SYNRG: variants seen among roughly 807,000 people sequenced by gnomAD.
SYNRG encodes the protein AP1 gamma subunit binding protein 1.
In SYNRG, 37 loss-of-function variants were observed where a neutral mutation model predicts 130.9. That is an observed-to-expected ratio of 0.28 (90% CI 0.22 to 0.37). The LOEUF (loss-of-function observed/expected upper bound fraction) is 0.37. Ranked by LOEUF, SYNRG falls within the 10% of genes least tolerant of loss-of-function variation. The pLI, the probability that SYNRG is intolerant of heterozygous loss-of-function variation, is 1.00. For synonymous variants in SYNRG, 539 were observed against 568.1 expected, an observed-to-expected ratio of 0.95 and a Z score of 0.73; for missense variants, 1,338 against 1,588.9, an observed-to-expected ratio of 0.84 and a Z score of 2.68.
At position 37,540,432 on chromosome 17, in the gene SYNRG, G is replaced by C; in HGVS notation, c.3314C>G (p.Pro1105Arg). The C allele has an allele frequency of 6.2e-7, 1 of 1,613,848 alleles. No homozygotes were observed. The change falls in exon 16 of 22, where the codon CCC becomes CGC. Residue 1105 changes from proline (P) to arginine (R), a missense_variant. Coordinates refer to ENST00000612223, the MANE Select transcript of SYNRG (RefSeq NM_007247.6). The stretch of plus-strand genomic sequence containing the variant: ...CTTGTCTCGGATGACGGGCAGGGCG[G>C]GCTTCTCATTCAGAGTATTGGAACG... ...RDRSNTLNEK[P>R]ALPVIRDKYK...
intron 19 of SYNRG, among the ~76,000 whole-genome samples, chr17:37,534,828 T>A (rs2144580633): frequency 6.6e-6 from 1 of 152,220 alleles, no homozygotes; most frequent in East Asian, 1.9e-4. Flanking sequence ...CACCTGGCTA[T>A]CAGTTCAGAA....
At chr17:37,558,782 C>G (rs1027913034) in intron 13 of SYNRG, among the ~76,000 whole-genome samples, 2 of 152,164 alleles carry the variant, frequency 1.3e-5, no homozygotes, top group Non-Finnish European at 2.9e-5. Flanking sequence ...TATCCTTGAA[C>G]ATACTAAGTG....
Position 37,542,127 on chromosome 17 carries a change from G to T in SYNRG, c.3047C>A (p.Thr1016Asn). Reference sequence around the variant, plus strand: ...AAAGTCATCCGAACATTCGTTCGGGGTTTCTTGAGAGGCACCACTGGACGC... The same window carrying T: ...AAAGTCATCCGAACATTCGTTCGGGTTTTCTTGAGAGGCACCACTGGACGC... ...SPASSGASQE[T>N]PNECSDDFGE... Residue 1016 changes from threonine to asparagine, a missense_variant, in exon 15 of 22, where the codon ACC (threonine) becomes AAC (asparagine). Around this residue, in one of 3 missense-constraint regions of SYNRG, gnomAD observed 1,146 missense variants for 1,342.3 expected, o/e 0.85. Coordinates refer to ENST00000612223, the MANE Select transcript of SYNRG (RefSeq NM_007247.6). 6.2e-7 allele frequency: 1 copy of T among 1,614,198 alleles called. No homozygotes were observed. The highest frequency in any genetic ancestry group is 8.5e-7 in the Non-Finnish European group (1 of 1,180,048).
Position 37,553,460 on chromosome 17 carries a change from C to T in SYNRG, c.2263G>A (p.Gly755Arg). 6.2e-7 allele frequency: 1 copy of T among 1,614,198 alleles called. No individual in the cohort carries two copies. Among genetic ancestry groups the T allele is most frequent in the African/African-American group, 1.3e-5 (1 of 75,058 alleles). ...AGGTCTTCAACACCTAGTCCAGACCCTTCCAGAGAAAGTTGTCTGAAGACA... is the reference window on the plus strand; with the variant it reads ...AGGTCTTCAACACCTAGTCCAGACCTTTCCAGAGAAAGTTGTCTGAAGACA... The part of the protein sequence containing the change: ...YDVFRQLSLE[G>R]SGLGVEDLKD... Residue 755 changes from glycine to arginine, a missense_variant, in exon 14 of 22, where the codon GGG (glycine) becomes AGG (arginine). Gly to Arg is a moderately radical substitution (Grantham distance 125, BLOSUM62 -2). Around this residue, in one of 3 missense-constraint regions of SYNRG, gnomAD observed 1,146 missense variants for 1,342.3 expected, o/e 0.85. Coordinates refer to ENST00000612223, the MANE Select transcript of SYNRG (RefSeq NM_007247.6).
Position 37,576,423 on chromosome 17 carries a change from A to G in SYNRG, c.824-5T>C, listed in dbSNP as rs2060840155. ...GTGAGGGAAATACTCCCACACCTAGAAGGTAAGAAACATTAATGTATATAG... is the reference window on the plus strand; with the variant it reads ...GTGAGGGAAATACTCCCACACCTAGGAGGTAAGAAACATTAATGTATATAG... On this transcript the variant is annotated splice_region_variant and splice_polypyrimidine_tract_variant and intron_variant, in intron 7 of 21. Coordinates refer to ENST00000612223, the MANE Select transcript of SYNRG (RefSeq NM_007247.6). The G allele has an allele frequency of 1.2e-6, 2 of 1,613,198 alleles. No homozygotes were observed. Among genetic ancestry groups the G allele is most frequent in the African/African-American group, 1.3e-5 (1 of 74,894 alleles).
Position 37,518,754 on chromosome 17 carries a change from G to GT in SYNRG, c.*185dup, listed in dbSNP as rs1316099695. On this transcript the variant is annotated 3_prime_UTR_variant, in exon 22 of 22. Coordinates refer to ENST00000612223, the MANE Select transcript of SYNRG (RefSeq NM_007247.6). ...GCTTCTGGTGCCACGTGCAGTTTGG[G>GT]TGGGACAATTTTACCTGAAGTCCTG... 1.7e-5 allele frequency: 11 copies of GT among 655,246 alleles called. No homozygotes were observed. In the Middle Eastern group the frequency reaches 1.4e-3, roughly 81 times the overall value. The allele number at this position is 655,246 out of a possible 1,614,324, so 40.6% of individuals were successfully genotyped here.
At position 37,517,958 on chromosome 17, in the gene SYNRG, C is replaced by G. The variant is rs1173218241; in HGVS notation, c.*982G>C. 2.0e-5 allele frequency: 3 copies of G among 152,196 alleles called. No individual in the cohort carries two copies. 9.4% of individuals were successfully genotyped at this position (152,196 alleles called of 1,614,324 possible). ...CAATTTTCTTCTACTTCTTCTAAGT[C>G]ATGTATCTATCCCATAAATATACAT... On this transcript the variant is annotated 3_prime_UTR_variant, in exon 22 of 22. Coordinates refer to ENST00000612223, the MANE Select transcript of SYNRG (RefSeq NM_007247.6).
chr17:37,600,621 C>A, intron 1 of SYNRG: 1 of 673,712 alleles, frequency 1.5e-6, no homozygotes, highest in Non-Finnish European at 2.7e-6. Context: ...AGACAGAAGA[C>A]CCTGAAATTA....
chr17:37,606,188 G>A (rs183045164), intron 1 of SYNRG, among the ~76,000 whole-genome samples: 87 of 152,264 alleles, frequency 5.7e-4, no homozygotes, highest in Admixed American at 1.8e-3. Flanking sequence ...CAGTCATCTG[G>A]CACTGCAGGT....
chr17:37,579,360 C>T, intron 6 of SYNRG: 1 of 1,304,260 alleles, frequency 7.7e-7, no homozygotes, highest in Non-Finnish European at 1.0e-6. Flanking sequence ...TGCATAAAGT[C>T]ACTGAATTCT....
intron 1 of SYNRG, among the ~76,000 whole-genome samples, chr17:37,608,392 T>C (rs1293701640): frequency 6.6e-6 from 1 of 152,214 alleles, no homozygotes; most frequent in Non-Finnish European, 1.5e-5. Flanking sequence ...CTGTTGTGTG[T>C]TGGTTAGTAA....
chr17:37,598,588 G>A (rs544424143), intron 2 of SYNRG, among the ~76,000 whole-genome samples: 40 of 152,216 alleles, frequency 2.6e-4, no homozygotes, highest in Non-Finnish European at 5.1e-4. Flanking sequence ...CTCTGTCTCC[G>A]GTTCAAGTAC....
At chr17:37,565,513 G>A (rs1248471525) in intron 11 of SYNRG, among the ~76,000 whole-genome samples, 2 of 150,432 alleles carry the variant, frequency 1.3e-5, no homozygotes, top group East Asian at 2.0e-4. Context: ...CCATCGTCTG[G>A]GATGTGAGGA....
intron 14 of SYNRG, among the ~76,000 whole-genome samples, chr17:37,552,455 C>G (rs938052375): frequency 6.6e-6 from 1 of 152,168 alleles, no homozygotes; most frequent in African/African-American, 2.4e-5. Flanking sequence ...CCTATCCTAG[C>G]ATCTACAGAT....
At chr17:37,603,388 T>A (rs2063468002) in intron 1 of SYNRG, among the ~76,000 whole-genome samples, 1 of 152,080 alleles carries the variant, frequency 6.6e-6, no homozygotes, top group Non-Finnish European at 1.5e-5. Context: ...ACATAAAAAT[T>A]ATAATGGTGA....
rs375359328 is a variant in SYNRG at position 37,603,108 on chromosome 17, T to C, written c.78-2705A>G. On this transcript the variant is annotated intron_variant, in intron 1 of 21. Transcript: ENST00000612223. ...GAAGTGGGACTTCTTTCTCTGAGCCTGGAAAGAAAAAGGGACAAATCAAGG... is the reference window on the plus strand; with the variant it reads ...GAAGTGGGACTTCTTTCTCTGAGCCCGGAAAGAAAAAGGGACAAATCAAGG... Among the ~76,000 whole-genome samples the C allele has an allele frequency of 1.4e-4, 21 of 152,160 alleles. No individual in the cohort carries two copies. The South Asian group carries it at 4.1e-3, about 30-fold the overall frequency.
At chr17:37,539,383 G>C in intron 16 of SYNRG, 138 bp from the exon 17 acceptor site, 4 of 893,402 alleles carry the variant, frequency 4.5e-6, no homozygotes, top group Non-Finnish European at 6.6e-6. Context: ...TGTTTTTTTT[G>C]TTTTTGTTTT....
chr17:37,576,399 T>G lies in SYNRG; in HGVS notation c.843A>C (p.Ser281=), dbSNP rs766991210. 8 of 1,613,794 alleles carry G rather than the reference T, an allele frequency of 5.0e-6. No homozygotes were observed. The highest frequency in any genetic ancestry group is 1.3e-5 in the African/African-American group (1 of 74,920). ...IEESGVGVFP[S]QDPAQPRMPP... is the part of the protein sequence containing the mutation. ...GCATTCTGGGCTGAGCAGGATCCTG[T>G]GAGGGAAATACTCCCACACCTAGAA... Residue 281 remains serine, a synonymous_variant, in exon 8 of 22, where the codon TCA becomes TCC. Coordinates refer to ENST00000612223, the MANE Select transcript of SYNRG (RefSeq NM_007247.6).
intron 1 of SYNRG, chr17:37,600,731 A>T: frequency 2.4e-6 from 1 of 418,568 alleles, no homozygotes; most frequent in South Asian, 2.6e-5. Flanking sequence ...ATTGAGTGTC[A>T]ACTACATGAA....
Sources: allele counts gnomAD v4.1 joint callset (sites outside exome capture counted in the v4.1 genomes callset), GRCh38; gene constraint gnomAD v4.1.1; regional missense constraint gnomAD v4.1.1; transcripts MANE v1.5; gene names NCBI Gene and HGNC (gene_info 2026-07-23, HGNC 2026-07-21).